The following AAK1 variants were observed in gnomAD, a reference collection of about 807,000 sequenced individuals.
The protein encoded by AAK1 is AP2-associated protein kinase 1.
AAK1 carries 37 observed loss-of-function variants against 116.0 expected under a neutral mutation model. The observed-to-expected ratio is 0.32, with a 90% confidence interval of 0.25 to 0.42. The LOEUF is 0.42. Ranked by LOEUF, AAK1 falls within the 10% of genes least tolerant of loss-of-function variation. The pLI is 1.00. For synonymous variants in AAK1, 458 were observed against 439.9 expected (o/e 1.04, Z -0.51); for missense variants, 919 against 1,170.6 (o/e 0.79, Z 3.14).
chr2:69,518,221 C>G (rs913788638), intron 12 of AAK1, among the ~76,000 whole-genome samples: 1 of 152,038 alleles, frequency 6.6e-6, no homozygotes, highest in African/African-American at 2.4e-5. Flanking sequence ...TATAGACCAA[C>G]TAAATACAAT....
At chr2:69,490,763 A>G (rs1370160916) in intron 17 of AAK1, among the ~76,000 whole-genome samples, 1 of 152,120 alleles carries the variant, frequency 6.6e-6, no homozygotes, top group Non-Finnish European at 1.5e-5. Context: ...AACAATGAGA[A>G]TATACTTAAT....
chr2:69,483,057 T>C lies in AAK1; in HGVS notation c.2366-245A>G, dbSNP rs147668011. Among the ~76,000 whole-genome samples the C allele has an allele frequency of 1.5e-3, 233 of 152,344 alleles. 1 individual carries two copies. The East Asian group carries it at 0.016, about 10-fold the overall frequency. On this transcript the variant is annotated intron_variant, in intron 17 of 21. Coordinates refer to ENST00000409085, the MANE Select transcript of AAK1 (RefSeq NM_014911.5). The stretch of plus-strand genomic sequence containing the variant: ...CATTCAAGATGCTGTCCTGGGTGCG[T>C]CTGCTTGTTTTTATTTGAGGTGTAA...
rs189394574 is a variant in AAK1 at position 69,616,487 on chromosome 2, A to G, written c.163+26391T>C. 1.7e-3 allele frequency among the ~76,000 whole-genome samples: 261 copies of G among 152,352 alleles called. 2 individuals are homozygous for G. Among genetic ancestry groups the G allele is most frequent in the Non-Finnish European group, 3.3e-3 (223 of 68,032 alleles). On this transcript the variant is annotated intron_variant, in intron 2 of 21. Transcript: ENST00000409085. Reference sequence around the variant, plus strand: ...AAACTATTTTTTTTATGACTTAAGTAACCACCAGAGTACTGATGTTGGGGC... The same window carrying G: ...AAACTATTTTTTTTATGACTTAAGTGACCACCAGAGTACTGATGTTGGGGC...
rs375660839 is a variant in AAK1 at position 69,509,353 on chromosome 2, T to C, written c.1884A>G (p.Gln628=). 9.3e-6 allele frequency: 15 copies of C among 1,613,592 alleles called. No individual in the cohort carries two copies. The East Asian group carries it at 2.7e-4, about 29-fold the overall frequency. ...SLTPPSSPKT[Q]RAGHRRILSD... ...TGAGAATACGCCTGTGCCCAGCACG[T>C]TGGGTTTTGGGGGATGAGGGTGGAG... Residue 628 remains glutamine, a synonymous_variant, in exon 14 of 22, where the codon CAA becomes CAG. Transcript: ENST00000409085.
In AAK1 at chr2:69,462,503, A is replaced by AC. The variant is rs201180536; in HGVS notation, c.*13365dup. ...AGACCAACCTGGCCAACATGGTGAA[A>AC]CCCCATCTCTACTAAGAATACAAAA... On this transcript the variant is annotated 3_prime_UTR_variant, in exon 22 of 22. Transcript: ENST00000409085. The AC allele has an allele frequency of 0.14, 20,570 of 151,790 alleles. 1,513 individuals carry two copies. The highest frequency in any genetic ancestry group is 0.16 in the Non-Finnish European group (10,757 of 67,942). 9.4% of individuals were successfully genotyped at this position (151,790 alleles called of 1,614,324 possible).
Position 69,509,995 on chromosome 2 carries a change from C to T in AAK1, c.1777-535G>A, listed in dbSNP as rs60590850. Among the ~76,000 whole-genome samples, 283 of 152,266 alleles carry T rather than the reference C, an allele frequency of 1.9e-3. 1 individual carries two copies. The highest frequency in any genetic ancestry group is 6.6e-3 in the African/African-American group (274 of 41,556). ...GCGAGACCACAGGTTGGGAGTGAGT[C>T]AGAGAAAATTCTACTGTGATTAATA... On this transcript the variant is annotated intron_variant, in intron 13 of 21. Transcript: ENST00000409085.
rs530177478 is a variant in AAK1, at chr2:69,466,230, G to A, written c.*9639C>T. On this transcript the variant is annotated 3_prime_UTR_variant, in exon 22 of 22. Transcript: ENST00000409085. Reference sequence around the variant, plus strand: ...TTGCTCAGGAGAGACTTCTGGTGGAGCGAATGGAACGGCTCCTCCCAGCTT... The same window carrying A: ...TTGCTCAGGAGAGACTTCTGGTGGAACGAATGGAACGGCTCCTCCCAGCTT... 1.6e-6 allele frequency: 2 copies of A among 1,289,764 alleles called. No individual in the cohort carries two copies. Among genetic ancestry groups the A allele is most frequent in the South Asian group, 1.2e-5 (1 of 81,022 alleles). 79.9% of individuals were successfully genotyped at this position (1,289,764 alleles called of 1,614,324 possible). A position where few individuals can be genotyped will look rare whatever the true frequency, so the allele number is the denominator to read the frequency against.
intron 13 of AAK1, among the ~76,000 whole-genome samples, chr2:69,512,304 T>A (rs1013420415): frequency 6.6e-6 from 1 of 152,186 alleles, no homozygotes; most frequent in Non-Finnish European, 1.5e-5. Context: ...CTAGATACAA[T>A]CCTTATCTTT....
At chr2:69,492,308 G>T (rs1399238967) in intron 17 of AAK1, among the ~76,000 whole-genome samples, 1 of 151,660 alleles carries the variant, frequency 6.6e-6, no homozygotes, top group African/African-American at 2.4e-5. Context: ...CTGCCTCCCA[G>T]GTTCAAGCAA....
chr2:69,582,299 G>T (rs1021299005), intron 2 of AAK1, among the ~76,000 whole-genome samples: 4 of 152,166 alleles, frequency 2.6e-5, no homozygotes. Context: ...GAAATAAGAA[G>T]TAGAAACTGC....
At chr2:69,590,944 A>C (rs1272959525) in intron 2 of AAK1, among the ~76,000 whole-genome samples, 4 of 152,238 alleles carry the variant, frequency 2.6e-5, no homozygotes, top group African/African-American at 9.6e-5. Flanking sequence ...ATATAAGCCT[A>C]CATCGAGCAC....
intron 2 of AAK1, among the ~76,000 whole-genome samples, chr2:69,571,314 C>A (rs1221450860): frequency 2.0e-5 from 3 of 152,172 alleles, no homozygotes; most frequent in Admixed American, 6.5e-5. Context: ...TGCTACACAA[C>A]CATGTAGACT....
At chr2:69,499,057 C>CTAT (rs1436453456) in intron 16 of AAK1, among the ~76,000 whole-genome samples, 2 of 152,208 alleles carry the variant, frequency 1.3e-5, no homozygotes, top group African/African-American at 2.4e-5. Context: ...CCGGTCAGCC[C>CTAT]CAGTGTGCCA....
intron 2 of AAK1, among the ~76,000 whole-genome samples, chr2:69,571,937 A>C (rs1034401784): frequency 1.3e-5 from 2 of 152,236 alleles, no homozygotes; most frequent in African/African-American, 4.8e-5. Flanking sequence ...GGATTATCAG[A>C]AAGCAATCAC....
At chr2:69,585,469 T>C (rs758396396) in intron 2 of AAK1, among the ~76,000 whole-genome samples, 7 of 152,182 alleles carry the variant, frequency 4.6e-5, no homozygotes, top group Non-Finnish European at 1.0e-4. Context: ...GTTCTGACCC[T>C]GGACTGGGAC....
chr2:69,633,217 T>TAAAAAAAA (rs777301368), intron 2 of AAK1, among the ~76,000 whole-genome samples: 1,417 of 91,396 alleles, frequency 0.016, 79 homozygotes, highest in Admixed American at 0.13. Context: ...AGACTCTGTT[T>TAAAAAAAA]CAAAAAAAAA....
intron 2 of AAK1, among the ~76,000 whole-genome samples, chr2:69,566,892 C>T (rs930532409): frequency 2.0e-5 from 3 of 152,180 alleles, no homozygotes; most frequent in Non-Finnish European, 4.4e-5. Flanking sequence ...CCCGCCCCCA[C>T]CTTTGCCGTA....
At chr2:69,488,279 A>C (rs183958320) in intron 17 of AAK1, among the ~76,000 whole-genome samples, 226 of 152,084 alleles carry the variant, frequency 1.5e-3, no homozygotes, top group Non-Finnish European at 2.6e-3. Context: ...CATGCTATGT[A>C]CCCAGGTAAC....
chr2:69,519,977 C>T (rs1458820593), intron 11 of AAK1: 6 of 215,418 alleles, frequency 2.8e-5, no homozygotes, highest in Non-Finnish European at 6.0e-5. Context: ...CCAAGCTCTT[C>T]AGCCTCTTTA....
Sources: allele counts gnomAD v4.1 joint callset (sites outside exome capture counted in the v4.1 genomes callset), GRCh38; gene constraint gnomAD v4.1.1; transcripts MANE v1.5; gene names NCBI Gene and HGNC (gene_info 2026-07-23, HGNC 2026-07-21).